Variants in SNX29 observed in about 807,000 individuals in gnomAD.
SNX29 encodes the protein sorting nexin 29.
In SNX29, 78 loss-of-function variants were observed where a neutral mutation model predicts 102.1. The observed-to-expected ratio is 0.76, with a 90% CI of 0.64 to 0.92. The LOEUF (loss-of-function observed/expected upper bound fraction) is 0.92. Ranked by LOEUF, SNX29 falls within the 40% of genes least tolerant of loss-of-function variation. SNX29 has a pLI of 0.00. For missense variants in SNX29, 1,280 were observed against 1,061.7 expected (o/e 1.21, Z -2.86); for synonymous variants, 580 against 414.5 (o/e 1.40, Z -4.85).
At chr16:12,311,977 T>C (rs1350189303) in intron 15 of SNX29, among the ~76,000 whole-genome samples, 1 of 152,168 alleles carries the variant, frequency 6.6e-6, no homozygotes, top group Non-Finnish European at 1.5e-5. Flanking sequence ...TTCTTCTGCT[T>C]TGTTACTCCA....
At chr16:12,361,372 T>A (rs755565780) in intron 16 of SNX29, among the ~76,000 whole-genome samples, 115 of 152,330 alleles carry the variant, frequency 7.5e-4, no homozygotes, top group Non-Finnish European at 1.5e-3. Context: ...GTAGATAAAT[T>A]TTTGGAGAGC....
intron 20 of SNX29, among the ~76,000 whole-genome samples, chr16:12,530,857 C>A (rs761613068): frequency 1.3e-4 from 20 of 152,148 alleles, no homozygotes; most frequent in Non-Finnish European, 2.4e-4. Flanking sequence ...TGCCTGGCCA[C>A]CTTTCTTAAT....
intron 15 of SNX29, among the ~76,000 whole-genome samples, chr16:12,311,657 G>C (rs376556251): frequency 9.9e-5 from 15 of 152,276 alleles, no homozygotes; most frequent in South Asian, 4.1e-4. Flanking sequence ...CCCTTCACCC[G>C]GCTTATTTCC....
At chr16:12,362,972 A>G (rs1168414913) in intron 16 of SNX29, among the ~76,000 whole-genome samples, 2 of 152,124 alleles carry the variant, frequency 1.3e-5, no homozygotes, top group Non-Finnish European at 2.9e-5. Flanking sequence ...CCCCCATGCC[A>G]TGCCAGCCCA....
chr16:12,572,531 A>AT lies in SNX29; in HGVS notation c.*3902_*3903insT. The AT allele has an allele frequency of 9.4e-7, 1 of 1,063,614 alleles. No individual in the cohort carries two copies. Among genetic ancestry groups the AT allele is most frequent in the Non-Finnish European group, 1.1e-6 (1 of 878,224 alleles). The allele number at this position is 1,063,614 out of a possible 1,614,324, so 65.9% of individuals were successfully genotyped here. On this transcript the variant is annotated 3_prime_UTR_variant, in exon 21 of 21. Coordinates refer to ENST00000566228, the MANE Select transcript of SNX29 (RefSeq NM_032167.5). The stretch of plus-strand genomic sequence containing the variant: ...CTGCTCCACGTGCTCAAGCCCCCAC[A>AT]GGGGGCTGCGACACCATCTGGCTCC...
At chr16:12,109,897 A>G (rs1417861414) in intron 11 of SNX29, among the ~76,000 whole-genome samples, 2 of 151,996 alleles carry the variant, frequency 1.3e-5, no homozygotes, top group Non-Finnish European at 2.9e-5. Flanking sequence ...CGCCCACCTA[A>G]TTTTTGTATT....
chr16:12,502,843 C>A (rs1190709898), intron 19 of SNX29, among the ~76,000 whole-genome samples: 1 of 152,130 alleles, frequency 6.6e-6, no homozygotes. Context: ...ATGTTTCCAG[C>A]CATCATTAAA....
intron 14 of SNX29, among the ~76,000 whole-genome samples, chr16:12,203,350 G>C (rs1831279087): frequency 6.6e-6 from 1 of 151,894 alleles, no homozygotes; most frequent in African/African-American, 2.4e-5. Context: ...CCTGCTGTCA[G>C]GTGGACTGGT....
At chr16:12,066,293 G>A (rs1277379230) in intron 9 of SNX29, among the ~76,000 whole-genome samples, 1 of 152,158 alleles carries the variant, frequency 6.6e-6, no homozygotes, top group African/African-American at 2.4e-5. Context: ...GGACCACGGG[G>A]CAGTGGACAC....
chr16:12,025,448 T>C (rs1038616254), intron 3 of SNX29, among the ~76,000 whole-genome samples: 1 of 152,132 alleles, frequency 6.6e-6, no homozygotes, highest in Non-Finnish European at 1.5e-5. Flanking sequence ...AGGTTAATCA[T>C]TGATTTACCT....
At chr16:12,504,077 C>T (rs2089255015) in intron 19 of SNX29, among the ~76,000 whole-genome samples, 2 of 152,136 alleles carry the variant, frequency 1.3e-5, no homozygotes, top group African/African-American at 2.4e-5. Flanking sequence ...AGACCTCAGC[C>T]CCTAGCAACC....
At chr16:12,369,066 C>G (rs374551228) in intron 16 of SNX29, among the ~76,000 whole-genome samples, 3 of 152,282 alleles carry the variant, frequency 2.0e-5, no homozygotes, top group African/African-American at 7.2e-5. Flanking sequence ...CCACTCACCT[C>G]TCCCACAGGG....
At chr16:12,502,271 A>C (rs1170874897) in intron 19 of SNX29, among the ~76,000 whole-genome samples, 1 of 152,016 alleles carries the variant, frequency 6.6e-6, no homozygotes, top group Non-Finnish European at 1.5e-5. Flanking sequence ...CTTGGGTTTG[A>C]ATCTTGAGCT....
intron 11 of SNX29, among the ~76,000 whole-genome samples, chr16:12,116,128 T>A (rs1045259615): frequency 9.9e-5 from 15 of 152,204 alleles, no homozygotes; most frequent in African/African-American, 3.6e-4. Context: ...TCTCTCCTAA[T>A]TGTGGGAAAC....
intron 15 of SNX29, among the ~76,000 whole-genome samples, chr16:12,317,357 T>C (rs1303704623): frequency 6.6e-6 from 1 of 152,148 alleles, no homozygotes; most frequent in Non-Finnish European, 1.5e-5. Flanking sequence ...TGTGTGTCCT[T>C]CTCTGTCTTG....
intron 18 of SNX29, among the ~76,000 whole-genome samples, chr16:12,431,197 C>T (rs2085299151): frequency 6.6e-6 from 1 of 151,940 alleles, no homozygotes; most frequent in Admixed American, 6.6e-5. Flanking sequence ...GGGTGGGGGC[C>T]CTGTGAGCTC....
intron 19 of SNX29, among the ~76,000 whole-genome samples, chr16:12,478,785 C>T (rs1018360821): frequency 6.6e-6 from 1 of 152,186 alleles, no homozygotes; most frequent in African/African-American, 2.4e-5. Flanking sequence ...TGCCCTACCT[C>T]CATCCCCATT....
chr16:12,555,824 C>T (rs2078304955), intron 20 of SNX29, among the ~76,000 whole-genome samples: 1 of 152,204 alleles, frequency 6.6e-6, no homozygotes, highest in Non-Finnish European at 1.5e-5. Flanking sequence ...AAAGGTGCTC[C>T]AGCTGACTGA....
At chr16:12,237,072 A>G (rs1456619040) in intron 14 of SNX29, among the ~76,000 whole-genome samples, 1 of 152,156 alleles carries the variant, frequency 6.6e-6, no homozygotes. Context: ...GTCTCACAGT[A>G]ACTTCTCAGG....
Sources: gnomAD v4.1 joint callset for allele counts (sites outside exome capture counted in the v4.1 genomes callset) on GRCh38, gnomAD v4.1.1 for gene constraint, MANE v1.5 for transcripts, NCBI Gene and HGNC (gene_info 2026-07-23, HGNC 2026-07-21) for gene names.